ASH2L: variants seen among roughly 807,000 people sequenced by gnomAD.
The protein encoded by ASH2L is ASH2 like, histone lysine methyltransferase complex subunit, also known as set1/Ash2 histone methyltransferase complex subunit ASH2.
A neutral mutation model predicts 81.1 loss-of-function variants in ASH2L; 30 were observed. The ratio of observed to expected loss-of-function variants is 0.37; its 90% CI spans 0.28 to 0.50. The LOEUF (loss-of-function observed/expected upper bound fraction) is 0.50, where lower values mean the gene tolerates loss of function less well. ASH2L is among the 20% of genes least tolerant of loss of function. The probability of loss-of-function intolerance (pLI) is 0.95; values close to 1 mark genes in which losing one functional copy is unlikely to be tolerated. For synonymous variants in ASH2L, 273 were observed against 279.9 expected, an observed-to-expected ratio of 0.98 and a Z score of 0.24; for missense variants, 559 against 792.1, an observed-to-expected ratio of 0.71 and a Z score of 3.53.
At position 38,105,543 on chromosome 8, in the gene ASH2L, T is replaced by C; in HGVS notation, c.-8T>C. On this transcript the variant is annotated 5_prime_UTR_variant, in exon 1 of 16. Coordinates refer to ENST00000343823, the MANE Select transcript of ASH2L (RefSeq NM_004674.5). ...AGTATTCTCGCGAGAAGTCCAGGGG[T>C]GGCCGTGATGGCGGCGGCAGGAGCA... 1 of 1,556,044 alleles carries C rather than the reference T, an allele frequency of 6.4e-7. No individual in the cohort carries two copies. Among genetic ancestry groups the C allele is most frequent in the Non-Finnish European group, 8.7e-7 (1 of 1,149,576 alleles).
rs765233898 is a variant in ASH2L, at chr8:38,107,904, GTA to G, written c.401+742_401+743del. Among the ~76,000 whole-genome samples, 756 of 139,988 alleles carry G rather than the reference GTA, an allele frequency of 5.4e-3. 3 individuals carry two copies. Among genetic ancestry groups the G allele is most frequent in the African/African-American group, 0.02 (700 of 35,194 alleles). 91.8% of individuals were successfully genotyped at this position (139,988 alleles called of 152,430 possible). ...TGTGTGTGTGTGTGTGTGTGTGTGTGTATATGTATATATATATACATATATAT... is the reference window on the plus strand; with the variant it reads ...TGTGTGTGTGTGTGTGTGTGTGTGTGTATGTATATATATATACATATATAT... On this transcript the variant is annotated intron_variant, in intron 3 of 15. Coordinates refer to ENST00000343823, the MANE Select transcript of ASH2L (RefSeq NM_004674.5).
chr8:38,131,978 A>T (rs1802077143), intron 12 of ASH2L, among the ~76,000 whole-genome samples: 1 of 152,130 alleles, frequency 6.6e-6, no homozygotes, highest in Admixed American at 6.5e-5. Flanking sequence ...CCTCCTGAGC[A>T]GCCAGGATTA....
intron 12 of ASH2L, among the ~76,000 whole-genome samples, chr8:38,131,212 C>T (rs1451589216): frequency 6.6e-6 from 1 of 152,084 alleles, no homozygotes; most frequent in African/African-American, 2.4e-5. Flanking sequence ...CTTATTGTAC[C>T]ATCCTGCCTC....
rs372528548 is a variant in ASH2L, at chr8:38,135,770, C to T, written c.1719+4C>T. 2.3e-5 allele frequency: 37 copies of T among 1,590,616 alleles called. No individual in the cohort carries two copies. The highest frequency in any genetic ancestry group is 9.0e-5 in the East Asian group (4 of 44,668). On this transcript the variant is annotated splice_donor_region_variant and intron_variant, in intron 14 of 15. Coordinates refer to ENST00000343823, the MANE Select transcript of ASH2L (RefSeq NM_004674.5). ...CTCACTGTACAAGAGCTGCACGGTA[C>T]GTACATGTTTCCATCCCATGAGCAA... is the stretch of plus-strand genomic sequence containing the variant.
chr8:38,119,621 C>A (rs921708247), intron 9 of ASH2L, among the ~76,000 whole-genome samples: 8 of 151,460 alleles, frequency 5.3e-5, no homozygotes, highest in Non-Finnish European at 1.2e-4. Context: ...GCCTGGCCAA[C>A]ATGGCGAAAC....
intron 7 of ASH2L, among the ~76,000 whole-genome samples, chr8:38,115,819 A>C (rs767155954): frequency 3.3e-5 from 5 of 152,168 alleles, no homozygotes; most frequent in Non-Finnish European, 7.4e-5. Context: ...ATTTATCGCC[A>C]TTCTGAAACT....
At chr8:38,122,468 G>A (rs1801665322) in intron 10 of ASH2L, 2 of 152,000 alleles carry the variant, frequency 1.3e-5, no homozygotes, top group South Asian at 4.2e-4. Context: ...TTTGTGAAGC[G>A]TTCCTTATTT....
rs569452820 is a variant in ASH2L at position 38,135,741 on chromosome 8, C to T, written c.1694C>T (p.Ala565Val). 1 of 1,612,730 alleles carries T rather than the reference C, an allele frequency of 6.2e-7. No homozygotes were observed. The highest frequency in any genetic ancestry group is 8.5e-7 in the Non-Finnish European group (1 of 1,179,362). Residue 565 changes from alanine to valine, a missense_variant, in exon 14 of 16, where the codon GCC (alanine) becomes GTC (valine). Ala to Val is a moderately conservative substitution (Grantham distance 64). Coordinates refer to ENST00000343823, the MANE Select transcript of ASH2L (RefSeq NM_004674.5). ...ATTTTTGAGGGGGTTTACTTCCCAG[C>T]CATCTCACTGTACAAGAGCTGCACG... ...KDIFEGVYFP[A>V]ISLYKSCTVS...
intron 2 of ASH2L, among the ~76,000 whole-genome samples, 158 bp downstream of exon 2, chr8:38,106,602 G>A (rs1017906082): frequency 1.3e-5 from 2 of 151,196 alleles, no homozygotes; most frequent in African/African-American, 2.4e-5. Flanking sequence ...CCTCCCCCCG[G>A]GTTCCAGCGA....
At chr8:38,137,179 G>T (rs1190660514) in intron 14 of ASH2L, among the ~76,000 whole-genome samples, 1 of 151,766 alleles carries the variant, frequency 6.6e-6, no homozygotes, top group East Asian at 1.9e-4. Context: ...GAGGTGGGCA[G>T]ATCACGAGGT....
intron 13 of ASH2L, among the ~76,000 whole-genome samples, chr8:38,134,208 TA>T (rs1482689343): frequency 6.6e-6 from 1 of 152,036 alleles, no homozygotes. Flanking sequence ...GTCCTCTGCC[TA>T]GGAAAACCAG....
rs1344548093 is a variant in ASH2L, at chr8:38,110,554, C to CCTA, written c.490+88_490+90dup. 3.0e-6 allele frequency: 4 copies of CCTA among 1,344,050 alleles called. No homozygotes were observed. In the African/African-American group the frequency reaches 5.8e-5, roughly 19 times the overall value. 83.3% of individuals were successfully genotyped at this position (1,344,050 alleles called of 1,614,324 possible). On this transcript the variant is annotated intron_variant, in intron 4 of 15. Coordinates refer to ENST00000343823, the MANE Select transcript of ASH2L (RefSeq NM_004674.5). ...GCGTAGCAGAATCAGGAGACCTTTG[C>CCTA]CTAGTAGCTGGTATAAATTCAGTTG...
At chr8:38,128,250 CAAAT>C (rs1801931738) in intron 10 of ASH2L, 37 bp from the exon 11 acceptor site, 1 of 1,610,370 alleles carries the variant, frequency 6.2e-7, no homozygotes, top group African/African-American at 1.3e-5. Context: ...CCAAGAACCT[CAAAT>C]AAGTTGCAGG....
Position 38,105,638 on chromosome 8 carries a change from G to A in ASH2L, c.88G>A (p.Gly30Arg). ...CGCAAATGCAACAGGGGCAGAAGAG[G>A]GGGAGATGAAGCCGGTGGCAGCGGG... ...AVANATGAEEGEMKPVAAGAA... is the reference protein window; with the variant it reads ...AVANATGAEEREMKPVAAGAA... The change falls in exon 1 of 16, where the codon GGG becomes AGG. Residue 30 changes from glycine (G) to arginine (R), a missense_variant. By Grantham distance (125) the Gly-to-Arg change is moderately radical. Transcript: ENST00000343823. 2 of 1,602,250 alleles carry A rather than the reference G, an allele frequency of 1.2e-6. No homozygotes were observed. The highest frequency in any genetic ancestry group is 1.7e-6 in the Non-Finnish European group (2 of 1,175,906).
In ASH2L at chr8:38,134,168, A is replaced by C. The variant is rs372125210; in HGVS notation, c.1620+622A>C. Among the ~76,000 whole-genome samples, 905 of 152,310 alleles carry C rather than the reference A, an allele frequency of 5.9e-3. 9 individuals carry two copies. The highest frequency in any genetic ancestry group is 0.021 in the African/African-American group (861 of 41,558). ...CACCACTCCCTAATCTCAAGTACCC[A>C]GGGACACAAACACTGCGGAAGGCCG... On this transcript the variant is annotated intron_variant, in intron 13 of 15. Coordinates refer to ENST00000343823, the MANE Select transcript of ASH2L (RefSeq NM_004674.5).
chr8:38,117,068 T>C (rs974394405), intron 8 of ASH2L, among the ~76,000 whole-genome samples: 1 of 152,248 alleles, frequency 6.6e-6, no homozygotes, highest in Non-Finnish European at 1.5e-5. Context: ...AATTCAGCTG[T>C]TACTTTTAAC....
Position 38,119,250 on chromosome 8 carries a change from A to G in ASH2L, c.854-20A>G. 6.5e-7 allele frequency: 1 copy of G among 1,548,784 alleles called. No homozygotes were observed. The highest frequency in any genetic ancestry group is 8.7e-7 in the Non-Finnish European group (1 of 1,145,508). On this transcript the variant is annotated intron_variant, in intron 8 of 15. Coordinates refer to ENST00000343823, the MANE Select transcript of ASH2L (RefSeq NM_004674.5). ...GTTTCCCTTGTGGCTCATTGAAAGC[A>G]ATCTGCCTTCTCTTCAAAGGGGGAA...
chr8:38,135,631 T>C (rs1802221535), intron 13 of ASH2L, 37 bp from the exon 14 acceptor site: 2 of 1,470,538 alleles, frequency 1.4e-6, no homozygotes, highest in East Asian at 4.5e-5. Flanking sequence ...TTGTTCTTTT[T>C]TACAGTTCTG....
chr8:38,114,656 G>A lies in ASH2L; in HGVS notation c.682-249G>A, dbSNP rs111884733. ...GCACCTGGGGAGAAGTCAACAGCAA[G>A]CTGTTAACAGTGCTTATCTTTGTGA... On this transcript the variant is annotated intron_variant, in intron 6 of 15. Coordinates refer to ENST00000343823, the MANE Select transcript of ASH2L (RefSeq NM_004674.5). 485 of 442,800 alleles carry A rather than the reference G, an allele frequency of 1.1e-3. 1 individual carries two copies. Among genetic ancestry groups the A allele is most frequent in the African/African-American group, 8.0e-3 (400 of 49,976 alleles). The allele number at this position is 442,800 out of a possible 1,614,324, so 27.4% of individuals were successfully genotyped here. A position where few individuals can be genotyped will look rare whatever the true frequency, so the allele number is the denominator to read the frequency against.
Sources: gnomAD v4.1 joint callset for allele counts (sites outside exome capture counted in the v4.1 genomes callset) on GRCh38, gnomAD v4.1.1 for gene constraint, MANE v1.5 for transcripts, NCBI Gene and HGNC (gene_info 2026-07-23, HGNC 2026-07-21) for gene names.